OCA2: variants seen among roughly 807,000 people sequenced by gnomAD.
OCA2 encodes OCA2 melanosomal transmembrane protein, also known as P protein.
OCA2 carries 77 observed loss-of-function variants against 100.2 expected under a neutral mutation model. That is an observed-to-expected ratio of 0.77 (90% confidence interval 0.64 to 0.93). The LOEUF (loss-of-function observed/expected upper bound fraction) is 0.93. Ranked by LOEUF, OCA2 falls within the 40% of genes least tolerant of loss-of-function variation. OCA2 has a pLI of 0.00. For missense variants in OCA2, 1,062 were observed against 1,089.1 expected (o/e 0.98, Z 0.35); for synonymous variants, 432 against 439.2 (o/e 0.98, Z 0.21).
intron 9 of OCA2, among the ~76,000 whole-genome samples, chr15:27,993,236 T>C (rs1322035891): frequency 6.6e-6 from 1 of 152,174 alleles, no homozygotes; most frequent in African/African-American, 2.4e-5. Context: ...CACCCGGCCC[T>C]GGATTAAGTG....
chr15:27,858,793 T>C (rs1211357497), intron 21 of OCA2, among the ~76,000 whole-genome samples: 1 of 152,096 alleles, frequency 6.6e-6, no homozygotes, highest in East Asian at 1.9e-4. Flanking sequence ...AGACCACATG[T>C]AGGGCACAAA....
At chr15:27,756,087 A>G (rs573313764) in intron 23 of OCA2, among the ~76,000 whole-genome samples, 24 of 152,340 alleles carry the variant, frequency 1.6e-4, no homozygotes, top group African/African-American at 5.3e-4. Flanking sequence ...GCCTCCTCCA[A>G]TGTACACACA....
intron 23 of OCA2, among the ~76,000 whole-genome samples, chr15:27,797,236 T>C (rs1284364801): frequency 6.6e-6 from 1 of 152,154 alleles, no homozygotes; most frequent in African/African-American, 2.4e-5. Context: ...TCAACAGGAA[T>C]TGGGCCTCAG....
chr15:27,767,572 C>T (rs2031365121), intron 23 of OCA2, among the ~76,000 whole-genome samples: 1 of 152,098 alleles, frequency 6.6e-6, no homozygotes, highest in Non-Finnish European at 1.5e-5. Context: ...CACCAATCAG[C>T]ACTCTATGTC....
chr15:27,911,326 TAGG>T (rs2038387815), intron 19 of OCA2, among the ~76,000 whole-genome samples: 1 of 137,072 alleles, frequency 7.3e-6, no homozygotes, highest in Non-Finnish European at 1.5e-5. Flanking sequence ...AGGCTGTAGT[TAGG>T]AGGATTCCTT....
At chr15:28,086,999 A>G (rs1282723840) in intron 1 of OCA2, among the ~76,000 whole-genome samples, 1 of 152,224 alleles carries the variant, frequency 6.6e-6, no homozygotes, top group African/African-American at 2.4e-5. Flanking sequence ...GATGAAGAGT[A>G]TGTAGCTTAA....
chr15:27,904,282 C>T (rs565444820), intron 19 of OCA2, among the ~76,000 whole-genome samples: 11 of 152,264 alleles, frequency 7.2e-5, no homozygotes, highest in Middle Eastern at 3.4e-3. Flanking sequence ...TTCAGGTGGA[C>T]GGGGCAGAAG....
At chr15:27,872,462 A>C (rs1381109934) in intron 19 of OCA2, among the ~76,000 whole-genome samples, 1 of 152,174 alleles carries the variant, frequency 6.6e-6, no homozygotes, top group Non-Finnish European at 1.5e-5. Flanking sequence ...TAGAAGAGAG[A>C]AGATGAGACG....
chr15:27,733,441 C>CCATG, the OCA2 span, among the ~76,000 whole-genome samples: 1 of 152,152 alleles, frequency 6.6e-6, no homozygotes, highest in East Asian at 1.9e-4. Context: ...CACCCACGGC[C>CCATG]CAGCATGCTC....
intron 18 of OCA2, among the ~76,000 whole-genome samples, chr15:27,928,162 G>A (rs2039113805): frequency 6.6e-6 from 1 of 151,882 alleles, no homozygotes; most frequent in African/African-American, 2.4e-5. Context: ...TAATTGTTCT[G>A]GTTATATTTT....
At chr15:27,749,957 T>G (rs568020138), downstream of OCA2, among the ~76,000 whole-genome samples, 1 of 152,300 alleles carries the variant, frequency 6.6e-6, no homozygotes, top group South Asian at 2.1e-4. Flanking sequence ...TCAGGTCAAG[T>G]TTTTTAAAAT....
At chr15:28,073,629 TA>T (rs2044333863) in intron 2 of OCA2, among the ~76,000 whole-genome samples, 1 of 151,982 alleles carries the variant, frequency 6.6e-6, no homozygotes, top group South Asian at 2.1e-4. Flanking sequence ...GTTAAAAAAA[TA>T]AAAAACTACT....
At chr15:27,806,458 A>G (rs1330383195) in intron 23 of OCA2, among the ~76,000 whole-genome samples, 1 of 152,158 alleles carries the variant, frequency 6.6e-6, no homozygotes, top group Admixed American at 6.5e-5. Flanking sequence ...TTCAGACGTG[A>G]GCATAGGTGG....
intron 23 of OCA2, among the ~76,000 whole-genome samples, chr15:27,814,012 C>T (rs1273368946): frequency 6.6e-6 from 1 of 152,080 alleles, no homozygotes; most frequent in Non-Finnish European, 1.5e-5. Context: ...ATACCCATCA[C>T]CTTAAATATC....
intron 14 of OCA2, among the ~76,000 whole-genome samples, chr15:27,969,263 C>T (rs958888131): frequency 7.3e-5 from 11 of 150,754 alleles, no homozygotes; most frequent in South Asian, 2.1e-4. Context: ...CCTGGGTGTG[C>T]GTCCACAGCA....
At chr15:27,948,014 C>T (rs1156912560) in intron 18 of OCA2, among the ~76,000 whole-genome samples, 5 of 152,172 alleles carry the variant, frequency 3.3e-5, no homozygotes, top group East Asian at 1.9e-4. Context: ...GAACTTTGTT[C>T]GTGCATCCTG....
chr15:27,999,620 A>G (rs570587982), intron 9 of OCA2, among the ~76,000 whole-genome samples: 1 of 152,310 alleles, frequency 6.6e-6, no homozygotes, highest in African/African-American at 2.4e-5. Flanking sequence ...TAGTAGAGCA[A>G]TTAGACAACA....
At chr15:27,863,609 T>A (rs1333419426) in intron 21 of OCA2, among the ~76,000 whole-genome samples, 1 of 152,136 alleles carries the variant, frequency 6.6e-6, no homozygotes, top group East Asian at 1.9e-4. Context: ...GCTTTTTCAA[T>A]ACAATGCATT....
chr15:28,003,300 C>A (rs1035567260), intron 9 of OCA2, among the ~76,000 whole-genome samples: 1 of 152,240 alleles, frequency 6.6e-6, no homozygotes, highest in South Asian at 2.1e-4. Flanking sequence ...AGCCACACTT[C>A]CCCATCTTAG....
Sources: gnomAD v4.1 joint callset for allele counts (sites outside exome capture counted in the v4.1 genomes callset) on GRCh38, gnomAD v4.1.1 for gene constraint, MANE v1.5 for transcripts, NCBI Gene and HGNC (gene_info 2026-07-23, HGNC 2026-07-21) for gene names.